PML: variants seen among roughly 807,000 people sequenced by gnomAD.
PML encodes protein PML.
In PML, 28 loss-of-function variants were observed where a neutral mutation model predicts 65.2. The observed-to-expected ratio is 0.43, with a 90% CI of 0.32 to 0.59. The LOEUF is 0.59. Among genes scored for constraint, PML ranks in the 20% least tolerant of loss-of-function variants. PML has a pLI of 0.08. For synonymous variants in PML, 500 were observed against 508.8 expected (o/e 0.98, Z 0.23); for missense variants, 1,021 against 1,203.4 (o/e 0.85, Z 2.24).
Position 74,043,944 on chromosome 15 carries a change from G to A in PML, c.1862-277G>A, listed in dbSNP as rs1477050662. 6.6e-6 allele frequency among the ~76,000 whole-genome samples: 1 copy of A among 152,166 alleles called. No homozygotes were observed. The highest frequency in any genetic ancestry group is 2.4e-5 in the African/African-American group (1 of 41,452). On this transcript the variant is annotated intron_variant, in intron 8 of 8. Coordinates refer to ENST00000268058, the MANE Select transcript of PML (RefSeq NM_033238.3). This position sits in a 1 kb window ranked among gnomAD's most constrained non-coding sequence, Gnocchi z 4.3. ...AGACAGGAGGGACCTGTATCCATGG[G>A]GTTTGGCCAACTCTGGGGCCGGTAG...
intron 3 of PML, among the ~76,000 whole-genome samples, chr15:74,024,608 G>T (rs577863575): frequency 6.6e-6 from 1 of 152,280 alleles, no homozygotes; most frequent in South Asian, 2.1e-4. Context: ...GTACACTTGG[G>T]GTTTGGAGCC....
Position 74,044,395 on chromosome 15 carries a change from T to C in PML, c.2036T>C (p.Leu679Pro), listed in dbSNP as rs760399378. 3.7e-6 allele frequency: 6 copies of C among 1,614,230 alleles called. No individual in the cohort carries two copies. Among genetic ancestry groups the C allele is most frequent in the Non-Finnish European group, 5.1e-6 (6 of 1,180,038 alleles). ...MRRPILACYK[L>P]WGPGLPNFFR... The stretch of plus-strand genomic sequence containing the variant: ...CGCCCTATCTTGGCCTGCTACAAGC[T>C]GTGGGGGCCTGGCCTCCCAAACTTC... Residue 679 changes from leucine to proline, a missense_variant, in exon 9 of 9, where the codon CTG becomes CCG. By Grantham distance (98) the Leu-to-Pro change is moderately conservative. Transcript: ENST00000268058.
At chr15:73,999,369 T>C (rs2069654370) in intron 2 of PML, among the ~76,000 whole-genome samples, 1 of 152,248 alleles carries the variant, frequency 6.6e-6, no homozygotes, top group African/African-American at 2.4e-5. Flanking sequence ...CGCTGGTTTT[T>C]GACAACTCAG....
chr15:74,012,422 C>T (rs1305980377), intron 2 of PML, among the ~76,000 whole-genome samples: 1 of 152,240 alleles, frequency 6.6e-6, no homozygotes, highest in Non-Finnish European at 1.5e-5. Context: ...GATCCACCCA[C>T]CTTGGCCTCC....
Position 74,037,140 on chromosome 15 carries a change from G to A in PML, c.1710+2610G>A, listed in dbSNP as rs894680754. 11 of 985,218 alleles carry A rather than the reference G, an allele frequency of 1.1e-5. No individual in the cohort carries two copies. Among genetic ancestry groups the A allele is most frequent in the African/African-American group, 3.5e-5 (2 of 57,200 alleles). The allele number at this position is 985,218 out of a possible 1,614,324, so 61.0% of individuals were successfully genotyped here. On this transcript the variant is annotated intron_variant, in intron 7 of 8. Coordinates refer to ENST00000268058, the MANE Select transcript of PML (RefSeq NM_033238.3). This position sits in a 1 kb window ranked among gnomAD's most constrained non-coding sequence, Gnocchi z 4.2. ...ACTGCTAAGGGCTCCTTGGTGCTCC[G>A]CCCAGCATGTCCTTTTGCTCTGCAG...
In PML at chr15:74,023,184, A is replaced by T. The variant is rs774884695; in HGVS notation, c.959A>T (p.Asp320Val). ...ATGGCCAGTCGGCTGGGCCGCCTGG[A>T]TGCTGTGCTGCAGCGCATCCGCACG... The part of the protein sequence containing the change: ...EEMASRLGRL[D>V]AVLQRIRTGS... The change falls in exon 3 of 9, where the codon GAT (aspartate) becomes GTT (valine). Residue 320 changes from aspartate to valine, a missense_variant. Transcript: ENST00000268058. 2 of 1,607,436 alleles carry T rather than the reference A, an allele frequency of 1.2e-6. No individual in the cohort carries two copies. Among genetic ancestry groups the T allele is most frequent in the South Asian group, 1.1e-5 (1 of 90,952 alleles).
At chr15:74,033,810 C>G (rs2071425676) in intron 6 of PML, 1 of 534,962 alleles carries the variant, frequency 1.9e-6, no homozygotes, top group African/African-American at 1.9e-5. Flanking sequence ...CAGTCTACAC[C>G]CATCATTTCC....
At chr15:74,034,729 C>T in intron 7 of PML, 199 bp downstream of exon 7, 2 of 1,502,782 alleles carry the variant, frequency 1.3e-6, no homozygotes, top group Non-Finnish European at 1.8e-6. Flanking sequence ...TCCCACTACA[C>T]CAGGGCCAGG....
At position 74,035,650 on chromosome 15, in the gene PML, G is replaced by A. The variant is rs2071522135; in HGVS notation, c.1710+1120G>A. On this transcript the variant is annotated intron_variant, in intron 7 of 8. Coordinates refer to ENST00000268058, the MANE Select transcript of PML (RefSeq NM_033238.3). The surrounding 1 kb of genome is among the most constrained non-coding windows in gnomAD (Gnocchi z 4.1). ...CCCCACCGGATACGAGGGGCTGTGCGATCCCGCAGCCGCTCCCTCCGGGGC... is the reference window on the plus strand; with the variant it reads ...CCCCACCGGATACGAGGGGCTGTGCAATCCCGCAGCCGCTCCCTCCGGGGC... The A allele has an allele frequency of 6.8e-6, 11 of 1,613,996 alleles. No homozygotes were observed. The highest frequency in any genetic ancestry group is 1.1e-5 in the South Asian group (1 of 91,086).
intron 2 of PML, among the ~76,000 whole-genome samples, chr15:74,003,493 T>C (rs963222111): frequency 9.9e-5 from 15 of 152,154 alleles, no homozygotes; most frequent in Non-Finnish European, 2.1e-4. Flanking sequence ...AGAACCTATC[T>C]CATCTATCAC....
intron 2 of PML, among the ~76,000 whole-genome samples, chr15:74,000,287 C>A (rs942873181): frequency 1.3e-5 from 2 of 152,002 alleles, no homozygotes; most frequent in African/African-American, 2.4e-5. Flanking sequence ...TACACATCCT[C>A]CTGTATACTT....
At chr15:73,999,360 G>T (rs1052776236) in intron 2 of PML, among the ~76,000 whole-genome samples, 1 of 152,258 alleles carries the variant, frequency 6.6e-6, no homozygotes, top group Admixed American at 6.5e-5. Context: ...AGCATTTTTC[G>T]CTGGTTTTTG....
chr15:74,034,888 T>C, intron 7 of PML: 3 of 1,438,786 alleles, frequency 2.1e-6, no homozygotes, highest in South Asian at 1.5e-5. Context: ...CTTGGTTTAT[T>C]ACAGCCAGTG....
At chr15:74,027,159 A>G (rs1294260326) in intron 4 of PML, 1 of 152,206 alleles carries the variant, frequency 6.6e-6, no homozygotes, top group African/African-American at 2.4e-5. Flanking sequence ...TTAAATGGAT[A>G]TGGCAGGCTT....
chr15:74,043,840 A>C lies in PML; in HGVS notation c.1862-381A>C. 1.9e-6 allele frequency: 1 copy of C among 524,556 alleles called. No homozygotes were observed. The allele number at this position is 524,556 out of a possible 1,614,324, so 32.5% of individuals were successfully genotyped here. A position where few individuals can be genotyped will look rare whatever the true frequency, so the allele number is the denominator to read the frequency against. The stretch of plus-strand genomic sequence containing the variant: ...TGACTGGGCTGGGGTCCTTGAGGGG[A>C]TTGGAGGAAGGAGCATGGGATGGAG... On this transcript the variant is annotated intron_variant, in intron 8 of 8. Transcript: ENST00000268058. This position sits in a 1 kb window ranked among gnomAD's most constrained non-coding sequence, Gnocchi z 4.3.
At position 74,042,066 on chromosome 15, in the gene PML, T is replaced by G. The variant is rs894771307; in HGVS notation, c.1711-923T>G. Among the ~76,000 whole-genome samples, 13 of 152,204 alleles carry G rather than the reference T, an allele frequency of 8.5e-5. No individual in the cohort carries two copies. Among genetic ancestry groups the G allele is most frequent in the African/African-American group, 3.1e-4 (13 of 41,440 alleles). ...GGCAGCTGAGCAGATGATAAGCAATTAACTCTGTATTACCATCAGAGGCTC... is the reference window on the plus strand; with the variant it reads ...GGCAGCTGAGCAGATGATAAGCAATGAACTCTGTATTACCATCAGAGGCTC... On this transcript the variant is annotated intron_variant, in intron 7 of 8. Coordinates refer to ENST00000268058, the MANE Select transcript of PML (RefSeq NM_033238.3). This position sits in a 1 kb window ranked among gnomAD's most constrained non-coding sequence, Gnocchi z 5.3.
At position 74,042,893 on chromosome 15, in the gene PML, C is replaced by T. The variant is rs1350119342; in HGVS notation, c.1711-96C>T. The T allele has an allele frequency of 2.6e-5, 41 of 1,604,796 alleles. No individual in the cohort carries two copies. The highest frequency in any genetic ancestry group is 1.6e-4 in the East Asian group (7 of 44,756). On this transcript the variant is annotated intron_variant, in intron 7 of 8. Transcript: ENST00000268058. The surrounding 1 kb of genome is among the most constrained non-coding windows in gnomAD (Gnocchi z 5.3). ...AGTGGTACACCCTCCTTCATGTGCA[C>T]GCAGATGCTCCCAGCTATACCAGCT... is the stretch of plus-strand genomic sequence containing the variant.
intron 2 of PML, 130 bp downstream of exon 2, chr15:73,998,606 T>G: frequency 1.3e-6 from 1 of 750,542 alleles, no homozygotes; most frequent in East Asian, 2.7e-5. Flanking sequence ...AAATGTGGTC[T>G]GCAGATATGC....
intron 2 of PML, among the ~76,000 whole-genome samples, chr15:74,014,150 G>A (rs1170491657): frequency 2.0e-5 from 3 of 152,178 alleles, no homozygotes; most frequent in Non-Finnish European, 2.9e-5. Context: ...GCTGATTGGA[G>A]CTGGAGAGAC....
Sources: allele counts gnomAD v4.1 joint callset (sites outside exome capture counted in the v4.1 genomes callset), GRCh38; gene constraint gnomAD v4.1.1; non-coding constraint Gnocchi (gnomAD v3.1); transcripts MANE v1.5; gene names NCBI Gene and HGNC (gene_info 2026-07-23, HGNC 2026-07-21).